Variants in ADGRL2 observed in about 807,000 individuals in gnomAD.
ADGRL2 encodes calcium-independent alpha-latrotoxin receptor 2.
A neutral mutation model predicts 157.4 loss-of-function variants in ADGRL2; 44 were observed. The ratio of observed to expected loss-of-function variants is 0.28; its 90% CI spans 0.22 to 0.36. The LOEUF (loss-of-function observed/expected upper bound fraction) is 0.36, where lower values mean the gene tolerates loss of function less well. ADGRL2 is among the 10% of genes least tolerant of loss of function. The pLI is 1.00. For synonymous variants in ADGRL2, 585 were observed against 624.7 expected (o/e 0.94, Z 0.95); for missense variants, 1,510 against 1,768.9 (o/e 0.85, Z 2.63).
chr1:81,960,378 T>C (rs1416293244), intron 11 of ADGRL2, among the ~76,000 whole-genome samples: 1 of 152,226 alleles, frequency 6.6e-6, no homozygotes, highest in Non-Finnish European at 1.5e-5. Context: ...AATCTTTGGT[T>C]TTATTTCCTT....
intron 6 of ADGRL2, among the ~76,000 whole-genome samples, chr1:81,946,876 G>T (rs1262056409): frequency 2.0e-5 from 3 of 152,086 alleles, no homozygotes; most frequent in Admixed American, 2.0e-4. Context: ...TGAATTCTTG[G>T]ACCTCAGTGA....
chr1:81,963,848 T>C (rs896788080), intron 11 of ADGRL2, among the ~76,000 whole-genome samples: 1 of 151,260 alleles, frequency 6.6e-6, no homozygotes, highest in Non-Finnish European at 1.5e-5. Flanking sequence ...GGATATATCT[T>C]TTTCTGTTTT....
At chr1:81,340,303 TAAC>T (rs1240053976) in intron 1 of ADGRL2, among the ~76,000 whole-genome samples, 3 of 152,170 alleles carry the variant, frequency 2.0e-5, no homozygotes, top group Admixed American at 6.5e-5. Flanking sequence ...AATGTGTAAT[TAAC>T]AATAGCAGGA....
At chr1:81,856,690 T>G (rs1336297625) in intron 2 of ADGRL2, among the ~76,000 whole-genome samples, 1 of 152,152 alleles carries the variant, frequency 6.6e-6, no homozygotes, top group Non-Finnish European at 1.5e-5. Context: ...TAAATGGATT[T>G]GATGGCTAAT....
intron 19 of ADGRL2, among the ~76,000 whole-genome samples, chr1:81,983,622 T>C (rs1259858713): frequency 2.0e-5 from 3 of 151,976 alleles, no homozygotes; most frequent in Non-Finnish European, 4.4e-5. Context: ...TATTTTCTTA[T>C]GCAGTTTCTT....
intron 2 of ADGRL2, among the ~76,000 whole-genome samples, chr1:81,547,983 T>A (rs7532811): frequency 0.33 from 49,608 of 152,114 alleles, 8,571 homozygotes; most frequent in East Asian, 0.5. Flanking sequence ...AACCCTGTTA[T>A]GAAAGTCTTA....
intron 2 of ADGRL2, among the ~76,000 whole-genome samples, chr1:81,520,300 T>C (rs2079282309): frequency 6.6e-6 from 1 of 152,164 alleles, no homozygotes; most frequent in Non-Finnish European, 1.5e-5. Flanking sequence ...TACTGTTTAG[T>C]ACTAAAACCA....
intron 1 of ADGRL2, among the ~76,000 whole-genome samples, chr1:81,760,507 C>T (rs1173089098): frequency 6.6e-6 from 1 of 151,926 alleles, no homozygotes; most frequent in African/African-American, 2.4e-5. Context: ...TTTGAATGTT[C>T]TCTTTTAATA....
In ADGRL2 at chr1:81,968,135, G is replaced by A. The variant is rs145464208; in HGVS notation, c.2459G>A (p.Arg820Gln). 598 of 1,612,380 alleles carry A rather than the reference G, an allele frequency of 3.7e-4. No homozygotes were observed. The highest frequency in any genetic ancestry group is 6.6e-4 in the Middle Eastern group (4 of 6,056). ...GCKLVDTNKT[R>Q]TTCACSHLTN... Reference sequence around the variant, plus strand: ...AAGCTGGTTGACACTAATAAAACTCGAACAACGTGTGCATGCAGCCACCTA... The same window carrying A: ...AAGCTGGTTGACACTAATAAAACTCAAACAACGTGTGCATGCAGCCACCTA... The change falls in exon 14 of 24, where the codon CGA becomes CAA. Residue 820 changes from arginine (R) to glutamine (Q), a missense_variant. Around this residue, in one of 4 missense-constraint regions of ADGRL2, gnomAD observed 497 missense variants for 627.2 expected, o/e 0.79. Coordinates refer to ENST00000686636, the MANE Select transcript of ADGRL2 (RefSeq NM_001366006.2).
chr1:81,360,128 T>G (rs974878321), intron 1 of ADGRL2, among the ~76,000 whole-genome samples: 1 of 152,004 alleles, frequency 6.6e-6, no homozygotes, highest in Non-Finnish European at 1.5e-5. Flanking sequence ...TTTACCCAGT[T>G]TTCTCACTTC....
intron 17 of ADGRL2, among the ~76,000 whole-genome samples, chr1:81,979,447 T>G (rs371359818): frequency 1.3e-5 from 2 of 151,898 alleles, no homozygotes; most frequent in South Asian, 2.1e-4. Flanking sequence ...ATTTAATCAG[T>G]CAAAATCAAG....
chr1:81,653,745 T>G (rs2082472086), intron 3 of ADGRL2, among the ~76,000 whole-genome samples: 1 of 152,152 alleles, frequency 6.6e-6, no homozygotes, highest in South Asian at 2.1e-4. Context: ...ATTTAATCAA[T>G]AGGGATGTTC....
intron 1 of ADGRL2, among the ~76,000 whole-genome samples, chr1:81,385,082 A>G (rs1006755986): frequency 1.3e-5 from 2 of 152,132 alleles, no homozygotes; most frequent in African/African-American, 4.8e-5. Context: ...AATATATAAA[A>G]AGGGGACATA....
chr1:81,613,957 T>A (rs1227058014), intron 3 of ADGRL2, among the ~76,000 whole-genome samples: 1 of 152,214 alleles, frequency 6.6e-6, no homozygotes, highest in Non-Finnish European at 1.5e-5. Flanking sequence ...ACACCACCTG[T>A]CAATTTAGTA....
intron 1 of ADGRL2, among the ~76,000 whole-genome samples, chr1:81,348,592 T>C (rs1031558660): frequency 1.3e-5 from 2 of 151,906 alleles, no homozygotes; most frequent in East Asian, 1.9e-4. Context: ...GAGCCAGACC[T>C]TAGAAATGTT....
rs191596937 is a variant in ADGRL2, at chr1:81,481,381, T to C, written c.-248+36292T>C. 9.2e-5 allele frequency among the ~76,000 whole-genome samples: 14 copies of C among 152,332 alleles called. 1 individual carries two copies. In the East Asian group the frequency reaches 2.7e-3, roughly 29 times the overall value. On this transcript the variant is annotated intron_variant, in intron 2 of 24. Coordinates refer to the ADGRL2 transcript ENST00000370721. ...GAAAGACAGAAAGAAATTAGAAGGA[T>C]GCAATAATCAACATTCTGTTTAGGA...
intron 2 of ADGRL2, among the ~76,000 whole-genome samples, chr1:81,866,364 C>G (rs1257515325): frequency 1.3e-5 from 2 of 152,052 alleles, no homozygotes; most frequent in African/African-American, 4.8e-5. Context: ...ATTTTTATGT[C>G]TCTCCCACTA....
At chr1:81,604,297 A>T (rs1449362577) in intron 3 of ADGRL2, among the ~76,000 whole-genome samples, 1 of 152,114 alleles carries the variant, frequency 6.6e-6, no homozygotes, top group Non-Finnish European at 1.5e-5. Context: ...CAGAATATAG[A>T]TGAGCTACTT....
At chr1:81,364,372 G>A (rs1570732849) in intron 1 of ADGRL2, among the ~76,000 whole-genome samples, 1 of 152,008 alleles carries the variant, frequency 6.6e-6, no homozygotes, top group African/African-American at 2.4e-5. Context: ...CACTTCATAA[G>A]TAAAGACAGA....
Sources: allele counts gnomAD v4.1 joint callset (sites outside exome capture counted in the v4.1 genomes callset), GRCh38; gene constraint gnomAD v4.1.1; regional missense constraint gnomAD v4.1.1; transcripts MANE v1.5; gene names NCBI Gene and HGNC (gene_info 2026-07-23, HGNC 2026-07-21).